Variants in INTS12 observed in about 807,000 individuals in gnomAD.
The protein encoded by INTS12 is PHD finger protein 22.
Under a neutral mutation model 41.6 loss-of-function variants are expected in INTS12, and 13 were observed. The observed-to-expected ratio is 0.31, with a 90% CI of 0.20 to 0.50. INTS12 has a LOEUF of 0.50. Among genes scored for constraint, INTS12 ranks in the 20% least tolerant of loss-of-function variants. INTS12 has a pLI of 0.98. For missense variants in INTS12, 432 were observed against 541.6 expected (o/e 0.80, Z 2.01); for synonymous variants, 199 against 191.4 (o/e 1.04, Z -0.33).
intron 1 of INTS12, among the ~76,000 whole-genome samples, chr4:105,707,266 G>A (rs985769416): frequency 4.6e-5 from 7 of 151,432 alleles, no homozygotes; most frequent in Admixed American, 4.6e-4. Context: ...CTCCATTCAA[G>A]GATATCTCAT....
At chr4:105,705,027 C>A (rs28642176) in intron 1 of INTS12, among the ~76,000 whole-genome samples, 12,820 of 152,176 alleles carry the variant, frequency 0.084, 1,698 homozygotes, top group African/African-American at 0.28. Flanking sequence ...TTCTCACAAT[C>A]CAAAGGTTCA....
chr4:105,699,527 A>G (rs901516813), intron 3 of INTS12, among the ~76,000 whole-genome samples: 3 of 152,182 alleles, frequency 2.0e-5, no homozygotes, highest in African/African-American at 7.2e-5. Flanking sequence ...GGCAATAATT[A>G]GAAGTAAGTT....
rs1039945603 is a variant in INTS12 at position 105,682,667 on chromosome 4, G to A, written c.*66C>T. ...TTTTATTAAATTACAGTGTATTACAGATTATATCATAATAATAAGCCTTTC... is the reference window on the plus strand; with the variant it reads ...TTTTATTAAATTACAGTGTATTACAAATTATATCATAATAATAAGCCTTTC... On this transcript the variant is annotated 3_prime_UTR_variant, in exon 8 of 8. Transcript: ENST00000340139. 12 of 1,194,474 alleles carry A rather than the reference G, an allele frequency of 1.0e-5. No homozygotes were observed. The highest frequency in any genetic ancestry group is 1.5e-5 in the Non-Finnish European group (12 of 823,528). 74.0% of individuals were successfully genotyped at this position (1,194,474 alleles called of 1,614,324 possible).
At chr4:105,706,832 G>T (rs1732282710) in intron 1 of INTS12, among the ~76,000 whole-genome samples, 1 of 152,044 alleles carries the variant, frequency 6.6e-6, no homozygotes, top group South Asian at 2.1e-4. Flanking sequence ...CACTTCCACT[G>T]CTACTACTGA....
intron 1 of INTS12, among the ~76,000 whole-genome samples, chr4:105,706,122 T>C (rs1732252494): frequency 6.6e-6 from 1 of 152,198 alleles, no homozygotes; most frequent in South Asian, 2.1e-4. Flanking sequence ...CTTTTGGTAT[T>C]GTCCAAGTAT....
intron 6 of INTS12, among the ~76,000 whole-genome samples, chr4:105,687,492 T>C (rs1296871327): frequency 6.6e-6 from 1 of 152,250 alleles, no homozygotes; most frequent in Admixed American, 6.5e-5. Context: ...TTTTTTCCTT[T>C]ATTTTATAAC....
chr4:105,707,879 A>G, intron 1 of INTS12: 3 of 779,438 alleles, frequency 3.8e-6, no homozygotes, highest in African/African-American at 1.9e-5. Flanking sequence ...ATATATAAAT[A>G]TAAGTATGTG....
At chr4:105,692,398 C>T (rs989189536) in intron 5 of INTS12, among the ~76,000 whole-genome samples, 4 of 149,674 alleles carry the variant, frequency 2.7e-5, no homozygotes, top group Admixed American at 6.7e-5. Flanking sequence ...GCAGGAGAAT[C>T]GCTTGAACCC....
intron 6 of INTS12, among the ~76,000 whole-genome samples, chr4:105,688,448 A>G (rs546809341): frequency 6.6e-6 from 1 of 152,320 alleles, no homozygotes; most frequent in South Asian, 2.1e-4. Context: ...ATCACTTTTT[A>G]TACTACATAC....
Position 105,692,040 on chromosome 4 carries a change from T to C in INTS12, c.593A>G (p.Lys198Arg), listed in dbSNP as rs780015914. Residue 198 changes from lysine (K) to arginine (R), a missense_variant, in exon 6 of 8, where the codon AAG (lysine) becomes AGG (arginine). By Grantham distance (26) the Lys-to-Arg change is conservative. Coordinates refer to ENST00000340139, the MANE Select transcript of INTS12 (RefSeq NM_020395.4). The stretch of plus-strand genomic sequence containing the variant: ...CACCAGGCGAGGGTCATTCGCTTCC[T>C]TGTCTGTCACCTGGGGTTTATGACA... ...RDCHKPQVTDKEANDPRLVWY... is the reference protein window; with the variant it reads ...RDCHKPQVTDREANDPRLVWY... The C allele has an allele frequency of 8.7e-6, 14 of 1,610,552 alleles. No homozygotes were observed. The highest frequency in any genetic ancestry group is 3.4e-5 in the Admixed American group (2 of 59,630).
intron 2 of INTS12, 44 bp from the exon 3 acceptor site, chr4:105,700,058 T>G (rs768009103): frequency 1.5e-6 from 2 of 1,293,554 alleles, no homozygotes; most frequent in African/African-American, 1.5e-5. Flanking sequence ...CAATGCACAA[T>G]TATCTATGTT....
At position 105,695,536 on chromosome 4, in the gene INTS12, C is replaced by T; in HGVS notation, c.289G>A (p.Glu97Lys). The change falls in exon 4 of 8, where the codon GAA becomes AAA. Residue 97 changes from glutamate to lysine, a missense_variant. Coordinates refer to ENST00000340139, the MANE Select transcript of INTS12 (RefSeq NM_020395.4). ...LTTEKVKKEA[E>K]KRPADKMKSD... Reference sequence around the variant, plus strand: ...CTTACTTTATCAGCAGGTCTCTTTTCAGCTTCCTTCTTTACCTTTTCAGTT... The same window carrying T: ...CTTACTTTATCAGCAGGTCTCTTTTTAGCTTCCTTCTTTACCTTTTCAGTT... 1 of 1,604,268 alleles carries T rather than the reference C, an allele frequency of 6.2e-7. No homozygotes were observed. Among genetic ancestry groups the T allele is most frequent in the Non-Finnish European group, 8.5e-7 (1 of 1,177,494 alleles).
intron 6 of INTS12, among the ~76,000 whole-genome samples, chr4:105,689,005 C>G (rs546051396): frequency 6.6e-6 from 1 of 152,330 alleles, no homozygotes; most frequent in South Asian, 2.1e-4. Context: ...ATAAAATTCT[C>G]CACTAAGGCA....
intron 7 of INTS12, 147 bp downstream of exon 7, chr4:105,686,545 A>G: frequency 1.7e-6 from 1 of 602,036 alleles, no homozygotes; most frequent in South Asian, 2.2e-5. Flanking sequence ...TTCCCTTTCT[A>G]CCTAATATAA....
At chr4:105,703,544 C>G (rs1277013782) in intron 2 of INTS12, 104 bp downstream of exon 2, 1 of 152,166 alleles carries the variant, frequency 6.6e-6, no homozygotes, top group Non-Finnish European at 1.5e-5. Flanking sequence ...CTCTAGGCAC[C>G]CGAAAGCCCT....
At chr4:105,696,043 C>T (rs888415933) in intron 3 of INTS12, among the ~76,000 whole-genome samples, 1 of 151,946 alleles carries the variant, frequency 6.6e-6, no homozygotes, top group Non-Finnish European at 1.5e-5. Flanking sequence ...GTACAGATGG[C>T]GTTTCACCAT....
chr4:105,687,247 G>A (rs1395474073), intron 6 of INTS12, among the ~76,000 whole-genome samples: 1 of 152,142 alleles, frequency 6.6e-6, no homozygotes, highest in Non-Finnish European at 1.5e-5. Context: ...CGACTCCTCA[G>A]TTGCTGAGGG....
At chr4:105,703,123 G>T in intron 2 of INTS12, 1 of 492,940 alleles carries the variant, frequency 2.0e-6, no homozygotes, top group Non-Finnish European at 2.6e-6. Context: ...GGCCAAAACA[G>T]ACTGCAAAAG....
chr4:105,697,927 G>T (rs192361388), intron 3 of INTS12, among the ~76,000 whole-genome samples: 1 of 152,212 alleles, frequency 6.6e-6, no homozygotes, highest in East Asian at 1.9e-4. Flanking sequence ...GCATGCACCT[G>T]TAGTCTTAGC....
Sources: allele counts gnomAD v4.1 joint callset (sites outside exome capture counted in the v4.1 genomes callset), GRCh38; gene constraint gnomAD v4.1.1; transcripts MANE v1.5; gene names NCBI Gene and HGNC (gene_info 2026-07-23, HGNC 2026-07-21).